Variants in GFER observed in about 807,000 individuals in gnomAD.
The protein encoded by GFER is growth factor, augmenter of liver regeneration.
A neutral mutation model predicts 18.2 loss-of-function variants in GFER; 24 were observed. The observed-to-expected ratio is 1.32, with a 90% CI of 0.96 to 1.86. The LOEUF (loss-of-function observed/expected upper bound fraction) is 1.86, where lower values mean the gene tolerates loss of function less well. GFER is among the 40% of genes most tolerant of loss of function. The pLI is 0.00. For missense variants in GFER, 316 were observed against 295.6 expected, an observed-to-expected ratio of 1.07 and a Z score of -0.51; for synonymous variants, 138 against 126.9, an observed-to-expected ratio of 1.09 and a Z score of -0.59.
Position 1,986,598 on chromosome 16 carries a change from T to C in GFER, c.*570T>C. The C allele has an allele frequency of 5.2e-6, 1 of 194,144 alleles. No individual in the cohort carries two copies. The highest frequency in any genetic ancestry group is 1.1e-5 in the Non-Finnish European group (1 of 91,662). The allele number at this position is 194,144 out of a possible 1,614,324, so 12.0% of individuals were successfully genotyped here. On this transcript the variant is annotated 3_prime_UTR_variant, in exon 3 of 3. Coordinates refer to ENST00000248114, the MANE Select transcript of GFER (RefSeq NM_005262.3). ...CTGGCACATGCCTGCCAGCGTTGTG[T>C]CATGCCTGTCCACAGGGGATTCGTG...
rs140398555 is a variant in GFER, at chr16:1,985,999, G to A, written c.589G>A (p.Asp197Asn). 2.8e-5 allele frequency: 45 copies of A among 1,612,838 alleles called. No homozygotes were observed. Among genetic ancestry groups the A allele is most frequent in the East Asian group, 8.9e-5 (4 of 44,900 alleles). The change falls in exon 3 of 3, where the codon GAC (aspartate) becomes AAC (asparagine). Residue 197 changes from aspartate to asparagine, a missense_variant. Asp to Asn is a conservative substitution (Grantham distance 23). Transcript: ENST00000248114. ...DCSKVDERWR[D>N]GWKDGSCD ...CTCAAAAGTGGATGAGCGCTGGCGC[G>A]ACGGCTGGAAGGATGGCTCCTGTGA...
At chr16:1,985,843 CT>C (rs1382730751) in intron 2 of GFER, 22 bp from the exon 3 acceptor site, 3 of 1,608,008 alleles carry the variant, frequency 1.9e-6, no homozygotes, top group Non-Finnish European at 2.5e-6. Flanking sequence ...TCCTCTCATT[CT>C]TTACCTGCTC....
chr16:1,986,324 C>T lies in GFER; in HGVS notation c.*296C>T, dbSNP rs944781909. 8.2e-5 allele frequency: 36 copies of T among 441,362 alleles called. No homozygotes were observed. The highest frequency in any genetic ancestry group is 1.4e-4 in the Non-Finnish European group (32 of 235,098). 27.3% of individuals were successfully genotyped at this position (441,362 alleles called of 1,614,324 possible). A position where few individuals can be genotyped will look rare whatever the true frequency, so the allele number is the denominator to read the frequency against. On this transcript the variant is annotated 3_prime_UTR_variant, in exon 3 of 3. Coordinates refer to ENST00000248114, the MANE Select transcript of GFER (RefSeq NM_005262.3). ...CCCTTGACATTCAGGATGTAGCTTC[C>T]TGCCCACCGCATACCCTGGCGCCTC...
chr16:1,985,898 G>C lies in GFER; in HGVS notation c.488G>C (p.Arg163Pro). The change falls in exon 3 of 3, where the codon CGG (arginine) becomes CCG (proline). Residue 163 changes from arginine to proline, a missense_variant. Arg to Pro is a moderately radical substitution (Grantham distance 103, BLOSUM62 -2). Coordinates refer to ENST00000248114, the MANE Select transcript of GFER (RefSeq NM_005262.3). ...AGGAACCACCCAGACACCCGCACCCGGGCATGCTTCACACAGTGGCTGTGC... is the reference window on the plus strand; with the variant it reads ...AGGAACCACCCAGACACCCGCACCCCGGCATGCTTCACACAGTGGCTGTGC... ...LCRNHPDTRT[R>P]ACFTQWLCHL... is the part of the protein sequence containing the mutation. 6.2e-7 allele frequency: 1 copy of C among 1,612,826 alleles called. No individual in the cohort carries two copies.
rs766748062 is a variant in GFER at position 1,985,892 on chromosome 16, G to A, written c.482G>A (p.Arg161His). The A allele has an allele frequency of 1.4e-5, 22 of 1,612,494 alleles. No individual in the cohort carries two copies. Among genetic ancestry groups the A allele is most frequent in the Middle Eastern group, 1.6e-4 (1 of 6,084 alleles). ...KRLCRNHPDT[R>H]TRACFTQWLC... The stretch of plus-strand genomic sequence containing the variant: ...CTGTGCAGGAACCACCCAGACACCC[G>A]CACCCGGGCATGCTTCACACAGTGG... The change falls in exon 3 of 3, where the codon CGC becomes CAC. Residue 161 changes from arginine to histidine, a missense_variant. Coordinates refer to ENST00000248114, the MANE Select transcript of GFER (RefSeq NM_005262.3).
rs28738719 is a variant in GFER, at chr16:1,986,001, C to T, written c.591C>T (p.Asp197=). The T allele has an allele frequency of 3.4e-5, 55 of 1,612,932 alleles. No individual in the cohort carries two copies. The highest frequency in any genetic ancestry group is 8.3e-5 in the Admixed American group (5 of 60,028). ...DCSKVDERWR[D]GWKDGSCD is the part of the protein sequence containing the mutation. ...CAAAAGTGGATGAGCGCTGGCGCGA[C>T]GGCTGGAAGGATGGCTCCTGTGACT... Residue 197 remains aspartate (D), a synonymous_variant, in exon 3 of 3, where the codon GAC becomes GAT. Transcript: ENST00000248114.
chr16:1,984,326 C>CCGGGGCG lies in GFER; in HGVS notation c.116_122dup (p.Arg42GlyfsTer53). 6.7e-7 allele frequency: 1 copy of CCGGGGCG among 1,486,610 alleles called. No homozygotes were observed. The highest frequency in any genetic ancestry group is 8.9e-7 in the Non-Finnish European group (1 of 1,126,530). The allele number at this position is 1,486,610 out of a possible 1,614,324, so 92.1% of individuals were successfully genotyped here. A position where few individuals can be genotyped will look rare whatever the true frequency, so the allele number is the denominator to read the frequency against. On this transcript the variant is annotated frameshift_variant, in exon 1 of 3. Transcript: ENST00000248114. LOFTEE classifies it high-confidence loss of function. ...ACGACCTGGCGACCGACGCGCGGGG[C>CCGGGGCG]CGGGGCGCGGGGCGGAGAGACGCGG...
rs3833071 is a variant in GFER, at chr16:1,986,479, A to AG, written c.*456dup. The AG allele has an allele frequency of 0.16, 47,104 of 300,560 alleles. 4,794 individuals are homozygous for AG. Among genetic ancestry groups the AG allele is most frequent in the South Asian group, 0.26 (8,387 of 32,332 alleles). 18.6% of individuals were successfully genotyped at this position (300,560 alleles called of 1,614,324 possible). A position where few individuals can be genotyped will look rare whatever the true frequency, so the allele number is the denominator to read the frequency against. Reference sequence around the variant, plus strand: ...CCCATGGCTCTGTGCTGCTCACTTTAGGGGGCTCAATTCTCCACTCTGCTC... The same window carrying AG: ...CCCATGGCTCTGTGCTGCTCACTTTAGGGGGGCTCAATTCTCCACTCTGCTC... On this transcript the variant is annotated 3_prime_UTR_variant, in exon 3 of 3. Transcript: ENST00000248114.
At chr16:1,985,234 G>A (rs2083558346) in intron 2 of GFER, among the ~76,000 whole-genome samples, 1 of 152,254 alleles carries the variant, frequency 6.6e-6, no homozygotes, top group South Asian at 2.1e-4. Context: ...CGCAAGTTAG[G>A]GAAGACTCCA....
chr16:1,986,526 G>A lies in GFER; in HGVS notation c.*498G>A, dbSNP rs868196153. 11 of 223,518 alleles carry A rather than the reference G, an allele frequency of 4.9e-5. No individual in the cohort carries two copies. Among genetic ancestry groups the A allele is most frequent in the African/African-American group, 1.6e-4 (7 of 44,438 alleles). The allele number at this position is 223,518 out of a possible 1,614,324, so 13.8% of individuals were successfully genotyped here. A position where few individuals can be genotyped will look rare whatever the true frequency, so the allele number is the denominator to read the frequency against. ...GCTCAGTCCCTACAGGGAAAGCTCAGGTCGGGTCTTTCTGAGGGTCCACCA... is the reference window on the plus strand; with the variant it reads ...GCTCAGTCCCTACAGGGAAAGCTCAAGTCGGGTCTTTCTGAGGGTCCACCA... On this transcript the variant is annotated 3_prime_UTR_variant, in exon 3 of 3. Transcript: ENST00000248114.
chr16:1,986,198 G>GA lies in GFER; in HGVS notation c.*171dup, dbSNP rs2083566848. ...CCCTCTTAGGTTTGGAGCAGAAGTG[G>GA]AGGTGCCCACAGCAGGTACCCACTG... On this transcript the variant is annotated 3_prime_UTR_variant, in exon 3 of 3. Coordinates refer to ENST00000248114, the MANE Select transcript of GFER (RefSeq NM_005262.3). 2.8e-6 allele frequency: 2 copies of GA among 716,674 alleles called. No individual in the cohort carries two copies. Among genetic ancestry groups the GA allele is most frequent in the Admixed American group, 4.1e-5 (2 of 48,266 alleles). 44.4% of individuals were successfully genotyped at this position (716,674 alleles called of 1,614,324 possible). A position where few individuals can be genotyped will look rare whatever the true frequency, so the allele number is the denominator to read the frequency against.
At chr16:1,984,697 G>A (rs1310644700) in intron 1 of GFER, 50 bp from the exon 2 acceptor site, 1 of 1,536,256 alleles carries the variant, frequency 6.5e-7, no homozygotes, top group Admixed American at 1.7e-5. Flanking sequence ...GGAGCTTTGG[G>A]CGCCTTTGTT....
At chr16:1,984,509 G>A in intron 1 of GFER, 33 bp downstream of exon 1, 3 of 1,548,250 alleles carry the variant, frequency 1.9e-6, no homozygotes, top group Non-Finnish European at 1.7e-6. Flanking sequence ...TCCCAGCCCC[G>A]CGCAGCCCCT....
rs2083574329 is a variant in GFER at position 1,987,664 on chromosome 16, GCCC to G, written c.*1640_*1642del. ...CGCCTGTATCTGCTGTCCCTCCCCT[GCCC>G]CCCTGCCCCCCCCACCGCCTTCCCT... is the stretch of plus-strand genomic sequence containing the variant. On this transcript the variant is annotated 3_prime_UTR_variant, in exon 3 of 3. Coordinates refer to ENST00000248114, the MANE Select transcript of GFER (RefSeq NM_005262.3). 1 of 134,340 alleles carries G rather than the reference GCCC, an allele frequency of 7.4e-6. No homozygotes were observed. Among genetic ancestry groups the G allele is most frequent in the African/African-American group, 2.7e-5 (1 of 36,506 alleles). 8.3% of individuals were successfully genotyped at this position (134,340 alleles called of 1,614,324 possible). A position where few individuals can be genotyped will look rare whatever the true frequency, so the allele number is the denominator to read the frequency against.
At chr16:1,984,557 C>A in intron 1 of GFER, 81 bp downstream of exon 1, 1 of 1,479,752 alleles carries the variant, frequency 6.8e-7, no homozygotes, top group East Asian at 2.4e-5. Context: ...CAGAGCTTCC[C>A]AGGGTTGCCT....
At position 1,984,449 on chromosome 16, in the gene GFER, C is replaced by A. The variant is rs866480610; in HGVS notation, c.231C>A (p.Phe77Leu). 2.6e-6 allele frequency: 4 copies of A among 1,556,074 alleles called. No homozygotes were observed. Among genetic ancestry groups the A allele is most frequent in the African/African-American group, 2.7e-5 (2 of 73,822 alleles). ...RRRPCRACVD[F>L]KTWMRTQQKR... is the part of the protein sequence containing the mutation. ...GGCCGTGCCGGGCCTGCGTCGACTTCAAGACGTGGATGCGGACGCAGCAGA... is the reference window on the plus strand; with the variant it reads ...GGCCGTGCCGGGCCTGCGTCGACTTAAAGACGTGGATGCGGACGCAGCAGA... Residue 77 changes from phenylalanine to leucine, a missense_variant, in exon 1 of 3, where the codon TTC becomes TTA. By Grantham distance (22) the Phe-to-Leu change is conservative (BLOSUM62 0). Coordinates refer to ENST00000248114, the MANE Select transcript of GFER (RefSeq NM_005262.3).
chr16:1,987,704 T>C lies in GFER; in HGVS notation c.*1676T>C, dbSNP rs2083574933. ...CCACCGCCTTCCCTTTTTCCCTGTC[T>C]TCCTTAAAGTTTCACTCCTGAATAA... On this transcript the variant is annotated 3_prime_UTR_variant, in exon 3 of 3. Transcript: ENST00000248114. 6.8e-6 allele frequency: 1 copy of C among 146,148 alleles called. No individual in the cohort carries two copies. The highest frequency in any genetic ancestry group is 1.5e-5 in the Non-Finnish European group (1 of 66,228). 9.1% of individuals were successfully genotyped at this position (146,148 alleles called of 1,614,324 possible).
rs1200200618 is a variant in GFER, at chr16:1,984,309, G to A, written c.91G>A (p.Ala31Thr). ...GCGCTCCGAGATGATGGACGACCTG[G>A]CGACCGACGCGCGGGGCCGGGGCGC... ...GARSEMMDDL[A>T]TDARGRGAGR... The change falls in exon 1 of 3, where the codon GCG becomes ACG. Residue 31 changes from alanine to threonine, a missense_variant. Transcript: ENST00000248114. 1 of 1,483,168 alleles carries A rather than the reference G, an allele frequency of 6.7e-7. No homozygotes were observed. Among genetic ancestry groups the A allele is most frequent in the South Asian group, 1.3e-5 (1 of 77,896 alleles). 91.9% of individuals were successfully genotyped at this position (1,483,168 alleles called of 1,614,324 possible). A position where few individuals can be genotyped will look rare whatever the true frequency, so the allele number is the denominator to read the frequency against.
intron 1 of GFER, 63 bp downstream of exon 1, chr16:1,984,539 T>G: frequency 6.6e-7 from 1 of 1,514,554 alleles, no homozygotes; most frequent in Non-Finnish European, 8.9e-7. Context: ...CCCGCCCAGG[T>G]ACCCCGGCAG....
Sources: gnomAD v4.1 joint callset for allele counts (sites outside exome capture counted in the v4.1 genomes callset) on GRCh38, gnomAD v4.1.1 for gene constraint, MANE v1.5 for transcripts, NCBI Gene and HGNC (gene_info 2026-07-23, HGNC 2026-07-21) for gene names.